Variants in CDH12 observed in about 807,000 individuals in gnomAD.
CDH12 encodes cadherin-12.
CDH12 carries 41 observed loss-of-function variants against 74.1 expected under a neutral mutation model. That is an observed-to-expected ratio of 0.55 (90% CI 0.43 to 0.72). The LOEUF (loss-of-function observed/expected upper bound fraction) is 0.72. Ranked by LOEUF, CDH12 falls within the 30% of genes least tolerant of loss-of-function variation. CDH12 has a pLI of 0.00. For synonymous variants in CDH12, 399 were observed against 355.0 expected (o/e 1.12, Z -1.39); for missense variants, 945 against 977.2 (o/e 0.97, Z 0.44).
chr5:22,023,462 T>G (rs1738129788), intron 5 of CDH12, among the ~76,000 whole-genome samples: 1 of 152,130 alleles, frequency 6.6e-6, no homozygotes, highest in Admixed American at 6.6e-5. Flanking sequence ...GGTCTCTGAC[T>G]TCATCAAGCT....
chr5:22,358,165 T>C (rs969067991), intron 3 of CDH12, among the ~76,000 whole-genome samples: 32 of 152,238 alleles, frequency 2.1e-4, no homozygotes, highest in African/African-American at 7.7e-4. Flanking sequence ...TCCTAACACT[T>C]TGGGAGGCCA....
At chr5:22,153,848 A>ATGTGTGTGTG (rs202179631) in intron 4 of CDH12, among the ~76,000 whole-genome samples, 8 of 130,940 alleles carry the variant, frequency 6.1e-5, no homozygotes, top group African/African-American at 1.8e-4. Context: ...ATATACATAT[A>ATGTGTGTGTG]TGTGTGTGTG....
At chr5:22,670,237 T>G (rs1740836410) in intron 1 of CDH12, among the ~76,000 whole-genome samples, 1 of 152,160 alleles carries the variant, frequency 6.6e-6, no homozygotes, top group Non-Finnish European at 1.5e-5. Context: ...CAGGCTGGTC[T>G]CAAACTCCTG....
intron 2 of CDH12, among the ~76,000 whole-genome samples, chr5:22,435,974 T>C (rs1487506097): frequency 6.6e-6 from 1 of 151,688 alleles, no homozygotes; most frequent in African/African-American, 2.4e-5. Flanking sequence ...TCCACGTATG[T>C]TTATTGCAGC....
intron 1 of CDH12, among the ~76,000 whole-genome samples, chr5:22,614,431 C>G (rs894061142): frequency 2.9e-4 from 10 of 34,582 alleles, no homozygotes; most frequent in Non-Finnish European, 4.5e-4. Flanking sequence ...TTGTTGTTAT[C>G]TTGAGCTGAG....
intron 3 of CDH12, among the ~76,000 whole-genome samples, chr5:22,283,207 T>TAG (rs1736969463): frequency 1.1e-5 from 1 of 87,398 alleles, no homozygotes; most frequent in African/African-American, 6.0e-5. Flanking sequence ...ATCTGTGAGA[T>TAG]ATATATATAG....
chr5:22,816,216 G>A (rs1749387219), intron 1 of CDH12, among the ~76,000 whole-genome samples: 1 of 152,132 alleles, frequency 6.6e-6, no homozygotes, highest in African/African-American at 2.4e-5. Context: ...GAACGAGGTT[G>A]ATTTTTACTT....
At chr5:22,434,043 C>A (rs1744277069) in intron 2 of CDH12, among the ~76,000 whole-genome samples, 1 of 152,246 alleles carries the variant, frequency 6.6e-6, no homozygotes, top group South Asian at 2.1e-4. Context: ...CCAGCCCCCA[C>A]ACATGACTTT....
At chr5:22,008,247 T>A (rs1375061953) in intron 5 of CDH12, among the ~76,000 whole-genome samples, 3 of 152,068 alleles carry the variant, frequency 2.0e-5, no homozygotes, top group Non-Finnish European at 2.9e-5. Flanking sequence ...TTTTTTTTTT[T>A]TAAATGGAGT....
intron 3 of CDH12, among the ~76,000 whole-genome samples, chr5:22,253,689 C>T (rs2150389004): frequency 6.6e-6 from 1 of 151,856 alleles, no homozygotes; most frequent in South Asian, 2.1e-4. Flanking sequence ...ATACTCTCTT[C>T]CTCTTCCCCT....
intron 3 of CDH12, chr5:22,213,491 C>T (rs1032121345): frequency 2.6e-5 from 4 of 152,150 alleles, no homozygotes; most frequent in Admixed American, 6.5e-5. Context: ...CAAAAACAAG[C>T]AAGCATATGA....
intron 3 of CDH12, among the ~76,000 whole-genome samples, chr5:22,241,072 C>T (rs754701530): frequency 4.6e-5 from 7 of 151,962 alleles, no homozygotes; most frequent in Non-Finnish European, 8.8e-5. Context: ...GTGGTAAGGA[C>T]GCATATTGCT....
intron 9 of CDH12, among the ~76,000 whole-genome samples, chr5:21,803,682 G>A (rs535283944): frequency 1.2e-4 from 18 of 152,146 alleles, no homozygotes; most frequent in Middle Eastern, 6.8e-3. Context: ...GAGACAACAC[G>A]AATTTAACAT....
chr5:21,831,077 C>A (rs931949457), intron 8 of CDH12, among the ~76,000 whole-genome samples: 8 of 144,056 alleles, frequency 5.6e-5, no homozygotes, highest in Non-Finnish European at 9.1e-5. Context: ...CAAAAAAAAA[C>A]CAAGCAAACA....
chr5:21,807,992 A>T (rs1056935309), intron 9 of CDH12, among the ~76,000 whole-genome samples: 1 of 152,080 alleles, frequency 6.6e-6, no homozygotes, highest in Non-Finnish European at 1.5e-5. Context: ...ATAAGAAGTA[A>T]ATTTGTCATT....
chr5:22,327,237 C>T (rs1185716304), intron 3 of CDH12, among the ~76,000 whole-genome samples: 2 of 152,022 alleles, frequency 1.3e-5, no homozygotes, highest in African/African-American at 4.8e-5. Context: ...CATGTAATGT[C>T]TTCAGACTTA....
intron 3 of CDH12, among the ~76,000 whole-genome samples, chr5:22,242,511 C>T (rs1487734660): frequency 2.0e-5 from 3 of 152,068 alleles, no homozygotes; most frequent in African/African-American, 7.2e-5. Context: ...TTCTAATCTC[C>T]CATCTCTAAA....
intron 1 of CDH12, among the ~76,000 whole-genome samples, chr5:22,760,338 T>A (rs1379004977): frequency 6.6e-6 from 1 of 152,188 alleles, no homozygotes; most frequent in Non-Finnish European, 1.5e-5. Flanking sequence ...ATATTCTCAG[T>A]GCCTAAAACA....
At chr5:22,018,310 A>G (rs953972245) in intron 5 of CDH12, among the ~76,000 whole-genome samples, 3 of 152,186 alleles carry the variant, frequency 2.0e-5, no homozygotes, top group African/African-American at 7.2e-5. Flanking sequence ...GATAGCATAC[A>G]TCTTTAGTAT....
Sources: allele counts gnomAD v4.1 joint callset (sites outside exome capture counted in the v4.1 genomes callset), GRCh38; gene constraint gnomAD v4.1.1; transcripts MANE v1.5; gene names NCBI Gene and HGNC (gene_info 2026-07-23, HGNC 2026-07-21).